The following AGXT variants were observed in gnomAD, a reference collection of about 807,000 sequenced individuals.
The protein encoded by AGXT is L-alanine: glyoxylate aminotransferase 1.
A neutral mutation model predicts 46.9 loss-of-function variants in AGXT; 41 were observed. The ratio of observed to expected loss-of-function variants is 0.88; its 90% confidence interval spans 0.68 to 1.14. The LOEUF (loss-of-function observed/expected upper bound fraction) is 1.14, where lower values mean the gene tolerates loss of function less well. Ranked by LOEUF, AGXT falls within the 50% of genes most tolerant of loss-of-function variation. AGXT has a pLI of 0.00. For synonymous variants in AGXT, 244 were observed against 227.9 expected, an observed-to-expected ratio of 1.07 and a Z score of -0.64; for missense variants, 525 against 522.7, an observed-to-expected ratio of 1.00 and a Z score of -0.04.
chr2:240,877,021 G>A (rs1253607518), intron 8 of AGXT: 1 of 248,284 alleles, frequency 4.0e-6, no homozygotes, highest in African/African-American at 2.2e-5. Context: ...ATGAGAGCTG[G>A]TGGCTGGAGG....
In AGXT at chr2:240,878,725, C is replaced by T. The variant is rs1262285090; in HGVS notation, c.1083C>T (p.Ile361=). ...CCTGTGCCCCCCAGGTGCTGCGGAT[C>T]GGCCTGCTGGGCTGCAATGCCACCC... ...LGPSTGKVLR[I]GLLGCNATRE... The change falls in exon 11 of 11, where the codon ATC becomes ATT. Residue 361 remains isoleucine, a synonymous_variant. Transcript: ENST00000307503. 20 of 1,562,744 alleles carry T rather than the reference C, an allele frequency of 1.3e-5. No homozygotes were observed. Among genetic ancestry groups the T allele is most frequent in the East Asian group, 2.3e-5 (1 of 42,790 alleles).
In AGXT at chr2:240,876,142, G is replaced by T. The variant is rs1035414515; in HGVS notation, c.846+138G>T. ...AGAGAGGCCCTCAGTGGGGGTGGGG[G>T]AGAGAGGACAGGGCCCCGGGTACAC... On this transcript the variant is annotated intron_variant, in intron 8 of 10. Transcript: ENST00000307503. 15 of 1,081,940 alleles carry T rather than the reference G, an allele frequency of 1.4e-5. No homozygotes were observed. The African/African-American group carries it at 2.0e-4, about 15-fold the overall frequency. The allele number at this position is 1,081,940 out of a possible 1,614,324, so 67.0% of individuals were successfully genotyped here. A position where few individuals can be genotyped will look rare whatever the true frequency, so the allele number is the denominator to read the frequency against.
In AGXT at chr2:240,869,235, C is replaced by T. The variant is rs2106427562; in HGVS notation, c.231C>T (p.Val77=). Residue 77 remains valine (V), a synonymous_variant, in exon 2 of 11, where the codon GTC becomes GTT. Transcript: ENST00000307503. Reference sequence around the variant, plus strand: ...AGACCAGGAACCCACTCACACTGGTCATCTCTGGCTCGGGACACTGTGCCC... The same window carrying T: ...AGACCAGGAACCCACTCACACTGGTTATCTCTGGCTCGGGACACTGTGCCC... ...VFQTRNPLTL[V]ISGSGHCALE... 6.2e-7 allele frequency: 1 copy of T among 1,610,256 alleles called. No homozygotes were observed. Among genetic ancestry groups the T allele is most frequent in the Non-Finnish European group, 8.5e-7 (1 of 1,177,628 alleles).
chr2:240,878,147 G>A lies in AGXT; in HGVS notation c.1068G>A (p.Gly356=). 1 of 1,612,920 alleles carries A rather than the reference G, an allele frequency of 6.2e-7. No homozygotes were observed. Among genetic ancestry groups the A allele is most frequent in the Non-Finnish European group, 8.5e-7 (1 of 1,179,958 alleles). ...EIMGGLGPST[G]KVLRIGLLGC... ...TGGGTGGCCTTGGGCCCTCCACGGG[G>A]AAGGTGAGAGGGAGCGCCTCGAGGG... The change falls in exon 10 of 11, where the codon GGG becomes GGA. Residue 356 remains glycine, a synonymous_variant. Transcript: ENST00000307503.
rs779119128 is a variant in AGXT at position 240,869,410 on chromosome 2, G to A, written c.358+48G>A. ...GATGGCCCTGGATCCATCCTTCAAG[G>A]CCTCCCTGGCCTCCCTCTGTTTGAA... On this transcript the variant is annotated intron_variant, in intron 2 of 10. Transcript: ENST00000307503. 4 of 629,878 alleles carry A rather than the reference G, an allele frequency of 6.4e-6. No homozygotes were observed. The Admixed American group carries it at 1.1e-4, about 17-fold the overall frequency. 39.0% of individuals were successfully genotyped at this position (629,878 alleles called of 1,614,324 possible).
chr2:240,873,929 C>A, intron 5 of AGXT, 49 bp from the exon 6 acceptor site: 1 of 1,564,232 alleles, frequency 6.4e-7, no homozygotes. Flanking sequence ...CTGGACTGGC[C>A]TGCCCTGAGG....
chr2:240,876,739 G>A (rs565280968), intron 8 of AGXT, among the ~76,000 whole-genome samples: 1 of 152,214 alleles, frequency 6.6e-6, no homozygotes, highest in Non-Finnish European at 1.5e-5. Flanking sequence ...TTAGTGCCAG[G>A]GTGCCCCTGT....
intron 8 of AGXT, among the ~76,000 whole-genome samples, chr2:240,876,671 C>T (rs1053894869): frequency 2.0e-5 from 3 of 152,240 alleles, no homozygotes; most frequent in African/African-American, 7.2e-5. Context: ...GTTGCAAGGC[C>T]GTGCCTGCCA....
intron 9 of AGXT, 109 bp from the exon 10 acceptor site, chr2:240,877,913 C>T: frequency 6.7e-7 from 1 of 1,500,288 alleles, no homozygotes; most frequent in African/African-American, 1.4e-5. Flanking sequence ...CCCTTTCTCC[C>T]CCGGCTCCTC....
chr2:240,876,322 G>T (rs1436942437), intron 8 of AGXT, among the ~76,000 whole-genome samples: 1 of 152,210 alleles, frequency 6.6e-6, no homozygotes, highest in Non-Finnish European at 1.5e-5. Context: ...AGGGGCCAGA[G>T]ATGTGCCCAC....
chr2:240,874,125 C>A (rs2059007473), intron 6 of AGXT, 63 bp downstream of exon 6: 2 of 1,545,278 alleles, frequency 1.3e-6, no homozygotes, highest in Non-Finnish European at 8.9e-7. Context: ...TCAGGTGGCC[C>A]GAGGCGGGAG....
intron 3 of AGXT, 192 bp from the exon 4 acceptor site, chr2:240,871,157 T>G (rs2058988416): frequency 1.6e-6 from 1 of 637,736 alleles, no homozygotes; most frequent in Non-Finnish European, 2.8e-6. Context: ...TGCACCAAAG[T>G]CCTGTTCTTG....
At position 240,868,972 on chromosome 2, in the gene AGXT, G is replaced by C; in HGVS notation, c.107G>C (p.Arg36Pro). The change falls in exon 1 of 11, where the codon CGC (arginine) becomes CCC (proline). Residue 36 changes from arginine (R) to proline (P), a missense_variant. Transcript: ENST00000307503. ...LGPGPSNLPP[R>P]IMAAGGLQMI... ...CCTGGTCCTTCCAACCTGCCTCCTC[G>C]CATCATGGCAGCCGGGGGGCTGCAG... is the stretch of plus-strand genomic sequence containing the variant. 1 of 1,608,506 alleles carries C rather than the reference G, an allele frequency of 6.2e-7. No homozygotes were observed. Among genetic ancestry groups the C allele is most frequent in the Non-Finnish European group, 8.5e-7 (1 of 1,179,904 alleles).
At chr2:240,878,209 G>A (rs1366111941) in intron 10 of AGXT, 59 bp downstream of exon 10, 52 of 1,602,024 alleles carry the variant, frequency 3.2e-5, no homozygotes, top group Non-Finnish European at 4.4e-5. Flanking sequence ...CCCTCCTTGA[G>A]CAGGACTGTG....
In AGXT at chr2:240,877,621, G is replaced by A. The variant is rs369821955; in HGVS notation, c.931G>A (p.Val311Met). ...RLQALGLQLF[V>M]KDPALRLPTV... ...GCAGGCACTGGGGCTGCAGCTCTTC[G>A]TGAAGGACCCGGTAAGGAGGCCCCT... The change falls in exon 9 of 11, where the codon GTG (valine) becomes ATG (methionine). Residue 311 changes from valine (V) to methionine (M), a missense_variant. Transcript: ENST00000307503. 13 of 1,550,918 alleles carry A rather than the reference G, an allele frequency of 8.4e-6. No individual in the cohort carries two copies. The highest frequency in any genetic ancestry group is 7.3e-5 in the East Asian group (3 of 40,972).
chr2:240,871,419 C>T lies in AGXT; in HGVS notation c.494C>T (p.Pro165Leu), dbSNP rs1407648489. Residue 165 changes from proline (P) to leucine (L), a missense_variant, in exon 4 of 11, where the codon CCC (proline) becomes CTC (leucine). Pro to Leu is a moderately conservative substitution (Grantham distance 98, BLOSUM62 -3). Coordinates refer to ENST00000307503, the MANE Select transcript of AGXT (RefSeq NM_000030.3). ...HGESSTGVLQ[P>L]LDGFGELCHR... is the part of the protein sequence containing the mutation. The stretch of plus-strand genomic sequence containing the variant: ...GAGTCGTCCACCGGCGTGCTGCAGC[C>T]CCTTGATGGCTTCGGGGAACTCTGC... 6 of 1,598,188 alleles carry T rather than the reference C, an allele frequency of 3.8e-6. No homozygotes were observed. The highest frequency in any genetic ancestry group is 1.7e-4 in the Middle Eastern group (1 of 6,038).
chr2:240,871,886 C>T (rs1159041237), intron 4 of AGXT, among the ~76,000 whole-genome samples: 3 of 152,226 alleles, frequency 2.0e-5, no homozygotes, highest in Admixed American at 6.5e-5. Flanking sequence ...CTGAGAAATG[C>T]GGACAGAGCC....
chr2:240,878,250 G>A (rs982507325), intron 10 of AGXT, 100 bp downstream of exon 10: 84 of 1,531,820 alleles, frequency 5.5e-5, no homozygotes, highest in Admixed American at 3.4e-4. Context: ...GGGGTCATCC[G>A]AAAGCCCAGA....
chr2:240,877,504 T>C (rs778323189), intron 8 of AGXT, 33 bp from the exon 9 acceptor site: 188 of 1,525,448 alleles, frequency 1.2e-4, no homozygotes, highest in Middle Eastern at 1.7e-4. Context: ...ACCCCACCCA[T>C]GTCACTGCCC....
Sources: gnomAD v4.1 joint callset for allele counts (sites outside exome capture counted in the v4.1 genomes callset) on GRCh38, gnomAD v4.1.1 for gene constraint, MANE v1.5 for transcripts, NCBI Gene and HGNC (gene_info 2026-07-23, HGNC 2026-07-21) for gene names.